LRRC8C: variants seen among roughly 807,000 people sequenced by gnomAD.
LRRC8C encodes leucine rich repeat containing 8 VRAC subunit C.
In LRRC8C, 20 loss-of-function variants were observed where a neutral mutation model predicts 55.3. The ratio of observed to expected loss-of-function variants is 0.36; its 90% confidence interval spans 0.25 to 0.53. LRRC8C has a LOEUF of 0.53. Among genes scored for constraint, LRRC8C ranks in the 20% least tolerant of loss-of-function variants. The probability of loss-of-function intolerance (pLI) is 0.92; values close to 1 mark genes in which losing one functional copy is unlikely to be tolerated. For missense variants in LRRC8C, 659 were observed against 951.4 expected (o/e 0.69, Z 4.04); for synonymous variants, 376 against 360.7 (o/e 1.04, Z -0.48).
At chr1:89,638,504 A>G (rs760769184) in intron 1 of LRRC8C, among the ~76,000 whole-genome samples, 3 of 152,168 alleles carry the variant, frequency 2.0e-5, no homozygotes, top group Non-Finnish European at 2.9e-5. Context: ...CACATGGTGT[A>G]GCATGATTCT....
chr1:89,656,065 A>T (rs777870864), intron 1 of LRRC8C, among the ~76,000 whole-genome samples: 4 of 152,250 alleles, frequency 2.6e-5, no homozygotes, highest in Non-Finnish European at 4.4e-5. Flanking sequence ...TTACAGCGAG[A>T]GGTACAAAGA....
chr1:89,650,462 C>T lies in LRRC8C; in HGVS notation c.-5+17140C>T, dbSNP rs536220226. Among the ~76,000 whole-genome samples the T allele has an allele frequency of 3.3e-5, 5 of 150,020 alleles. No homozygotes were observed. The East Asian group carries it at 7.8e-4, about 24-fold the overall frequency. Reference sequence around the variant, plus strand: ...TTCTTTTCTACCAGCCAAAAATCTACAAGACTGGAATTTAATCAGTAGAAA... The same window carrying T: ...TTCTTTTCTACCAGCCAAAAATCTATAAGACTGGAATTTAATCAGTAGAAA... On this transcript the variant is annotated intron_variant, in intron 1 of 2. Transcript: ENST00000370454.
intron 2 of LRRC8C, among the ~76,000 whole-genome samples, chr1:89,706,991 G>A (rs890414481): frequency 6.6e-6 from 1 of 152,072 alleles, no homozygotes; most frequent in Non-Finnish European, 1.5e-5. Flanking sequence ...TTTTCCATAA[G>A]TACTGCATAG....
intron 2 of LRRC8C, among the ~76,000 whole-genome samples, chr1:89,708,211 G>C (rs778056390): frequency 1.7e-4 from 26 of 151,878 alleles, no homozygotes; most frequent in Non-Finnish European, 8.8e-5. Context: ...AGAAAATGGC[G>C]GAATTGCTCC....
At chr1:89,703,703 A>G (rs1658395177) in intron 2 of LRRC8C, among the ~76,000 whole-genome samples, 1 of 152,100 alleles carries the variant, frequency 6.6e-6, no homozygotes, top group South Asian at 2.1e-4. Flanking sequence ...GATAACATCT[A>G]GAAGAACAGA....
In LRRC8C at chr1:89,714,094, CT is replaced by C. The variant is rs1557671495; in HGVS notation, c.1525del (p.Trp509GlyfsTer13). On this transcript the variant is annotated frameshift_variant, in exon 3 of 3. Coordinates refer to ENST00000370454, the MANE Select transcript of LRRC8C (RefSeq NM_032270.5). LOFTEE classifies it high-confidence loss of function. This position sits in a 1 kb window ranked among gnomAD's most constrained non-coding sequence, Gnocchi z 4.6. ...TTGATGACATGAGGGAACTCCCCCC[CT>C]GGATGTATGGGCTCCGAAATCTGGA... Reference protein sequence around the residue: ...KFDDMRELPPWMYGLRNLEEL... With the variant: ...KFDDMRELPPXMYGLRNLEEL... The C allele has an allele frequency of 3.1e-6, 5 of 1,614,094 alleles. No individual in the cohort carries two copies. The highest frequency in any genetic ancestry group is 2.2e-5 in the East Asian group (1 of 44,888).
the LRRC8C span, among the ~76,000 whole-genome samples, chr1:89,619,589 A>G: frequency 6.6e-6 from 1 of 151,354 alleles, no homozygotes; most frequent in Non-Finnish European, 1.5e-5. Flanking sequence ...TTATAAGAAA[A>G]CTGTCAATTA....
At chr1:89,642,780 G>A (rs1002930388) in intron 1 of LRRC8C, among the ~76,000 whole-genome samples, 1 of 152,034 alleles carries the variant, frequency 6.6e-6, no homozygotes, top group Admixed American at 6.5e-5. Context: ...CCGGGAGGTG[G>A]AGGTTGCAGT....
At chr1:89,633,727 C>T (rs1250155789) in intron 1 of LRRC8C, among the ~76,000 whole-genome samples, 1 of 152,200 alleles carries the variant, frequency 6.6e-6, no homozygotes, top group East Asian at 1.9e-4. Flanking sequence ...GGGGCCAGTC[C>T]TTTCCGGTCT....
At chr1:89,625,882 T>C in the LRRC8C span, among the ~76,000 whole-genome samples, 2 of 152,238 alleles carry the variant, frequency 1.3e-5, no homozygotes, top group African/African-American at 2.4e-5. Context: ...ACAGGCTCTA[T>C]GGCATATTGT....
chr1:89,712,749 A>T lies in LRRC8C; in HGVS notation c.179A>T (p.Gln60Leu). 6.2e-7 allele frequency: 1 copy of T among 1,614,206 alleles called. No individual in the cohort carries two copies. The highest frequency in any genetic ancestry group is 1.3e-5 in the African/African-American group (1 of 75,056). Residue 60 changes from glutamine to leucine, a missense_variant, in exon 3 of 3, where the codon CAG (glutamine) becomes CTG (leucine). This residue lies in a region of LRRC8C where 82 missense variants were observed against 71.4 expected (regional missense o/e 1.15). Transcript: ENST00000370454. ...ATAATCTGCCTTCCGAAAAGAGTGC[A>T]GCCTGCTCAGAACCACTCTTCCCTT... is the stretch of plus-strand genomic sequence containing the variant. ...DKIICLPKRVQPAQNHSSLSN... is the reference protein window; with the variant it reads ...DKIICLPKRVLPAQNHSSLSN...
chr1:89,626,252 G>A, the LRRC8C span: 2 of 152,160 alleles, frequency 1.3e-5, no homozygotes, highest in Non-Finnish European at 2.9e-5. Context: ...TATGTATATA[G>A]CAAAAAACTC....
chr1:89,688,505 G>C (rs999886017), intron 2 of LRRC8C, among the ~76,000 whole-genome samples: 1 of 152,172 alleles, frequency 6.6e-6, no homozygotes, highest in Non-Finnish European at 1.5e-5. Flanking sequence ...CTTCAAATAG[G>C]ATGGCCTGGG....
chr1:89,622,434 G>A, the LRRC8C span, among the ~76,000 whole-genome samples: 61 of 150,632 alleles, frequency 4.0e-4, no homozygotes, highest in South Asian at 0.012. Flanking sequence ...CTGGGTTCAC[G>A]CCATTCTCCT....
At position 89,693,935 on chromosome 1, in the gene LRRC8C, G is replaced by A. The variant is rs151241210; in HGVS notation, c.138+7324G>A. Among the ~76,000 whole-genome samples, 950 of 152,022 alleles carry A rather than the reference G, an allele frequency of 6.2e-3. 6 individuals carry two copies. Among genetic ancestry groups the A allele is most frequent in the Non-Finnish European group, 0.011 (724 of 67,960 alleles). Reference sequence around the variant, plus strand: ...GCCTTCCAAAGTGCTGGGATTACAGGTGTGAGCTACTGCACCGGCCCAGTT... The same window carrying A: ...GCCTTCCAAAGTGCTGGGATTACAGATGTGAGCTACTGCACCGGCCCAGTT... On this transcript the variant is annotated intron_variant, in intron 2 of 2. Coordinates refer to ENST00000370454, the MANE Select transcript of LRRC8C (RefSeq NM_032270.5).
At chr1:89,678,527 C>T (rs889656604) in intron 1 of LRRC8C, among the ~76,000 whole-genome samples, 1 of 151,988 alleles carries the variant, frequency 6.6e-6, no homozygotes, top group Admixed American at 6.6e-5. Context: ...ATGGAGAAAC[C>T]CCGTCTCTAC....
intron 1 of LRRC8C, among the ~76,000 whole-genome samples, chr1:89,641,384 C>T (rs1656451420): frequency 1.3e-5 from 2 of 152,170 alleles, no homozygotes; most frequent in Admixed American, 1.3e-4. Flanking sequence ...AGACTTTTCA[C>T]TGACACCTAA....
At chr1:89,660,140 G>A (rs1657074275) in intron 1 of LRRC8C, among the ~76,000 whole-genome samples, 2 of 152,148 alleles carry the variant, frequency 1.3e-5, no homozygotes, top group South Asian at 2.1e-4. Flanking sequence ...CTGGGAATGG[G>A]TGGTGTCCAG....
At chr1:89,635,485 AG>A (rs1656254292) in intron 1 of LRRC8C, among the ~76,000 whole-genome samples, 1 of 152,202 alleles carries the variant, frequency 6.6e-6, no homozygotes, top group African/African-American at 2.4e-5. Flanking sequence ...TTACATAAGA[AG>A]GAAGTTCAGA....
Sources: allele counts gnomAD v4.1 joint callset (sites outside exome capture counted in the v4.1 genomes callset), GRCh38; gene constraint gnomAD v4.1.1; regional missense constraint gnomAD v4.1.1; non-coding constraint Gnocchi (gnomAD v3.1); transcripts MANE v1.5; gene names NCBI Gene and HGNC (gene_info 2026-07-23, HGNC 2026-07-21).